Variants in SMIM14 observed in about 807,000 individuals in gnomAD.
SMIM14 encodes the protein chromosome 4 open reading frame 34.
Under a neutral mutation model 12.6 loss-of-function variants are expected in SMIM14, and 5 were observed. That is an observed-to-expected ratio of 0.40 (90% CI 0.21 to 0.83). The LOEUF is 0.83. Among genes scored for constraint, SMIM14 ranks in the 40% least tolerant of loss-of-function variants. SMIM14 has a pLI of 0.37. For synonymous variants in SMIM14, 30 were observed against 40.1 expected (o/e 0.75, Z 0.95); for missense variants, 86 against 119.1 (o/e 0.72, Z 1.29).
At position 39,563,361 on chromosome 4, in the gene SMIM14, C is replaced by T. The variant is rs1712412758; in HGVS notation, c.125-6791G>A. Among the ~76,000 whole-genome samples, 3 of 152,186 alleles carry T rather than the reference C, an allele frequency of 2.0e-5. No homozygotes were observed. The South Asian group carries it at 6.2e-4, about 31-fold the overall frequency. Reference sequence around the variant, plus strand: ...ACAGGCATGAGCCACCGCCCCCGGCCCCTCTTCTTTCTCTAGCCAAGGATT... The same window carrying T: ...ACAGGCATGAGCCACCGCCCCCGGCTCCTCTTCTTTCTCTAGCCAAGGATT... On this transcript the variant is annotated intron_variant, in intron 3 of 4. Transcript: ENST00000295958.
intron 3 of SMIM14, among the ~76,000 whole-genome samples, chr4:39,557,790 A>C (rs962307008): frequency 5.9e-5 from 9 of 152,174 alleles, no homozygotes; most frequent in Non-Finnish European, 1.0e-4. Flanking sequence ...TTTGGGGGGA[A>C]AAATCTGCTT....
chr4:39,590,773 G>T (rs1322962303), intron 2 of SMIM14, among the ~76,000 whole-genome samples: 3 of 148,660 alleles, frequency 2.0e-5, no homozygotes, highest in African/African-American at 7.5e-5. Context: ...TTGCACTCCC[G>T]CTTGGGAGAC....
intron 1 of SMIM14, among the ~76,000 whole-genome samples, chr4:39,630,841 C>T (rs1203794442): frequency 7.6e-6 from 1 of 131,920 alleles, no homozygotes; most frequent in Non-Finnish European, 1.6e-5. Flanking sequence ...TGCACTCCAG[C>T]ATGGGCAACA....
intron 3 of SMIM14, among the ~76,000 whole-genome samples, chr4:39,565,992 G>A (rs1460652430): frequency 6.6e-6 from 1 of 151,916 alleles, no homozygotes; most frequent in Admixed American, 6.6e-5. Flanking sequence ...CCCCAGACAT[G>A]TGGAATTGTA....
chr4:39,574,240 T>TC (rs1419338500), intron 2 of SMIM14, among the ~76,000 whole-genome samples: 3 of 142,736 alleles, frequency 2.1e-5, no homozygotes, highest in South Asian at 4.2e-4. Context: ...CAACTTTCTT[T>TC]TTTTTTTTTT....
At chr4:39,561,610 G>A (rs1462727102) in intron 3 of SMIM14, among the ~76,000 whole-genome samples, 1 of 152,024 alleles carries the variant, frequency 6.6e-6, no homozygotes, top group Admixed American at 6.6e-5. Context: ...TCTAGACAAA[G>A]GATCCCTGAT....
intron 2 of SMIM14, among the ~76,000 whole-genome samples, chr4:39,581,185 T>C (rs552784762): frequency 6.6e-6 from 1 of 152,276 alleles, no homozygotes; most frequent in East Asian, 1.9e-4. Context: ...TTTAGTATTA[T>C]TTATATTGTG....
intron 2 of SMIM14, among the ~76,000 whole-genome samples, 183 bp downstream of exon 2, chr4:39,604,888 G>A (rs930860435): frequency 6.6e-6 from 1 of 152,102 alleles, no homozygotes; most frequent in African/African-American, 2.4e-5. Flanking sequence ...TGGGATTACA[G>A]GTGTGAGCCA....
At chr4:39,634,402 G>A (rs1481314212) in intron 1 of SMIM14, among the ~76,000 whole-genome samples, 1 of 152,178 alleles carries the variant, frequency 6.6e-6, no homozygotes, top group African/African-American at 2.4e-5. Context: ...TAGTTCAGAA[G>A]CAGTAGGGTA....
chr4:39,560,069 C>T (rs777270701), intron 3 of SMIM14, among the ~76,000 whole-genome samples: 7 of 152,012 alleles, frequency 4.6e-5, no homozygotes, highest in African/African-American at 7.2e-5. Flanking sequence ...TTGCAGTGAG[C>T]TGTAATTGCA....
At chr4:39,614,602 G>A (rs200931752) in intron 1 of SMIM14, among the ~76,000 whole-genome samples, 2 of 152,066 alleles carry the variant, frequency 1.3e-5, no homozygotes. Context: ...GATTACAGGC[G>A]TAAACCACTG....
intron 1 of SMIM14, among the ~76,000 whole-genome samples, chr4:39,623,048 C>T (rs1715564028): frequency 6.6e-6 from 1 of 152,180 alleles, no homozygotes; most frequent in African/African-American, 2.4e-5. Context: ...TATGAACTAT[C>T]AGGAACTTTG....
chr4:39,605,662 T>C (rs142111540), intron 1 of SMIM14, among the ~76,000 whole-genome samples: 255 of 152,338 alleles, frequency 1.7e-3, no homozygotes, highest in African/African-American at 5.7e-3. Context: ...AGATGGAGTA[T>C]TGGCAACCAG....
rs1349403946 is a variant in SMIM14 at position 39,546,749 on chromosome 4, A to T, written c.*5377T>A. ...AGTTGACTGTCTCCAAGAAATTGTTATTTCACAAATTTATCTATTTTAAAT... is the reference window on the plus strand; with the variant it reads ...AGTTGACTGTCTCCAAGAAATTGTTTTTTCACAAATTTATCTATTTTAAAT... On this transcript the variant is annotated 3_prime_UTR_variant, in exon 5 of 5. Transcript: ENST00000295958. The T allele has an allele frequency of 6.6e-6, 1 of 152,232 alleles. No individual in the cohort carries two copies. The highest frequency in any genetic ancestry group is 6.5e-5 in the Admixed American group (1 of 15,288). 9.4% of individuals were successfully genotyped at this position (152,232 alleles called of 1,614,324 possible).
chr4:39,615,213 G>A (rs1715177426), intron 1 of SMIM14, among the ~76,000 whole-genome samples: 1 of 152,142 alleles, frequency 6.6e-6, no homozygotes, highest in African/African-American at 2.4e-5. Flanking sequence ...GGGATTACAG[G>A]CGTGAGCCAC....
intron 3 of SMIM14, among the ~76,000 whole-genome samples, chr4:39,560,160 T>C (rs1712228328): frequency 6.6e-6 from 1 of 152,010 alleles, no homozygotes; most frequent in African/African-American, 2.4e-5. Flanking sequence ...CTTTCTTCCA[T>C]TGTCTTCTGT....
rs192625761 is a variant in SMIM14 at position 39,582,141 on chromosome 4, G to T, written c.76-9678C>A. On this transcript the variant is annotated intron_variant, in intron 2 of 4. Coordinates refer to ENST00000295958, the MANE Select transcript of SMIM14 (RefSeq NM_174921.3). The stretch of plus-strand genomic sequence containing the variant: ...CCGCCTCGGCCTCCCAAAGTGCTGG[G>T]ATTACAGGAATGAGCCACCGCGCCT... Among the ~76,000 whole-genome samples the T allele has an allele frequency of 6.7e-3, 1,024 of 152,134 alleles. 2 individuals are homozygous for T. Among genetic ancestry groups the T allele is most frequent in the Non-Finnish European group, 0.011 (718 of 67,990 alleles).
At chr4:39,630,660 A>C (rs1019458381) in intron 1 of SMIM14, among the ~76,000 whole-genome samples, 1 of 152,054 alleles carries the variant, frequency 6.6e-6, no homozygotes, top group Non-Finnish European at 1.5e-5. Context: ...CCTGGAGCTC[A>C]AGACCAGCCT....
chr4:39,582,528 G>A (rs1713564332), intron 2 of SMIM14, among the ~76,000 whole-genome samples: 1 of 151,810 alleles, frequency 6.6e-6, no homozygotes, highest in Non-Finnish European at 1.5e-5. Context: ...GCTGGGTGTG[G>A]TGGTGCACGG....
Sources: allele counts gnomAD v4.1 joint callset (sites outside exome capture counted in the v4.1 genomes callset), GRCh38; gene constraint gnomAD v4.1.1; transcripts MANE v1.5; gene names NCBI Gene and HGNC (gene_info 2026-07-23, HGNC 2026-07-21).